The following CPM variants were observed in gnomAD, a reference collection of about 807,000 sequenced individuals.
CPM encodes the protein carboxypeptidase M.
In CPM, 35 loss-of-function variants were observed where a neutral mutation model predicts 46.4. The observed-to-expected ratio is 0.75, with a 90% CI of 0.58 to 1.00. The LOEUF is 1.00. CPM is among the 50% of genes least tolerant of loss of function. The pLI is 0.00. For synonymous variants in CPM, 195 were observed against 195.3 expected (o/e 1.00, Z 0.01); for missense variants, 422 against 530.4 (o/e 0.80, Z 2.01).
intron 6 of CPM, 145 bp from the exon 7 acceptor site, chr12:68,867,193 T>A: frequency 1.3e-6 from 1 of 783,712 alleles, no homozygotes. Flanking sequence ...AATCAGGGCT[T>A]GACATTCTAT....
intron 8 of CPM, among the ~76,000 whole-genome samples, chr12:68,857,158 CTTTT>C (rs1885013332): frequency 1.4e-5 from 2 of 146,636 alleles, no homozygotes; most frequent in African/African-American, 5.0e-5. Context: ...TCTTTCTTTT[CTTTT>C]TTCTTTTTTT....
rs1421369561 is a variant in CPM, at chr12:68,867,020, C to T, written c.816G>A (p.Trp272Ter). The change falls in exon 7 of 9, where the codon TGG becomes TGA. Residue 272 changes from tryptophan to a stop codon, truncating the protein, a stop_gained. Coordinates refer to ENST00000551568, the MANE Select transcript of CPM (RefSeq NM_198320.5). LOFTEE classifies it high-confidence loss of function. ...CCAACGTAATTTCAAAACACTGGGC[C>T]CAGATGTAGTTGTAATCTTGCATTC... The part of the protein sequence containing the change: ...QGGMQDYNYI[W>*]AQCFEITLEL... The T allele has an allele frequency of 1.9e-6, 3 of 1,614,034 alleles. No homozygotes were observed. Among genetic ancestry groups the T allele is most frequent in the Middle Eastern group, 1.6e-4 (1 of 6,062 alleles).
intron 2 of CPM, among the ~76,000 whole-genome samples, chr12:68,916,906 A>AAGAG (rs1248317169): frequency 4.9e-5 from 7 of 142,684 alleles, no homozygotes; most frequent in Non-Finnish European, 1.0e-4. Flanking sequence ...AAAAAAAAAA[A>AAGAG]AGAGAGAGAG....
downstream of CPM, chr12:68,850,817 C>A (rs1209888898): frequency 6.6e-6 from 1 of 152,104 alleles, no homozygotes; most frequent in Non-Finnish European, 1.5e-5. Context: ...AAATCCATTT[C>A]TTTTCTGCAT....
At chr12:68,926,304 T>C in intron 2 of CPM, among the ~76,000 whole-genome samples, 1 of 152,198 alleles carries the variant, frequency 6.6e-6, no homozygotes, top group East Asian at 1.9e-4. Context: ...ACATTATTAG[T>C]GAAATATTTT....
chr12:68,931,183 G>A (rs761215240), intron 2 of CPM, among the ~76,000 whole-genome samples: 6 of 152,004 alleles, frequency 3.9e-5, no homozygotes, highest in Non-Finnish European at 7.4e-5. Context: ...TATTGACTTC[G>A]CATTGCACAT....
At chr12:68,945,486 C>T (rs1310145521) in intron 1 of CPM, among the ~76,000 whole-genome samples, 2 of 152,208 alleles carry the variant, frequency 1.3e-5, no homozygotes, top group Non-Finnish European at 2.9e-5. Flanking sequence ...CTGACAACTG[C>T]TCTTCCTGTT....
At chr12:68,888,285 T>C (rs1886518906) in intron 2 of CPM, among the ~76,000 whole-genome samples, 1 of 152,188 alleles carries the variant, frequency 6.6e-6, no homozygotes, top group Non-Finnish European at 1.5e-5. Flanking sequence ...TCCAATATTA[T>C]TTAAAGAAGG....
chr12:68,924,480 GA>G (rs11420676), intron 2 of CPM, among the ~76,000 whole-genome samples: 10 of 145,602 alleles, frequency 6.9e-5, no homozygotes, highest in Non-Finnish European at 9.0e-5. Flanking sequence ...ACTCCATATA[GA>G]AAAAAAAAAA....
intron 2 of CPM, among the ~76,000 whole-genome samples, chr12:68,906,360 T>G (rs1041727340): frequency 3.3e-5 from 5 of 152,194 alleles, no homozygotes; most frequent in African/African-American, 1.2e-4. Flanking sequence ...CTGACTCTAA[T>G]TCACGCCATT....
chr12:68,890,850 C>A (rs1333692829), intron 2 of CPM, among the ~76,000 whole-genome samples: 1 of 152,214 alleles, frequency 6.6e-6, no homozygotes, highest in South Asian at 2.1e-4. Context: ...GAAGCAGAGA[C>A]CTTGGGTGGC....
At chr12:68,908,430 CT>C (rs1340897549) in intron 2 of CPM, among the ~76,000 whole-genome samples, 59 of 144,158 alleles carry the variant, frequency 4.1e-4, no homozygotes, top group Non-Finnish European at 8.1e-4. Flanking sequence ...TTTCTCTTTT[CT>C]CTGGAGGTAT....
At chr12:68,880,990 A>G (rs1886164178) in intron 3 of CPM, among the ~76,000 whole-genome samples, 1 of 152,206 alleles carries the variant, frequency 6.6e-6, no homozygotes, top group African/African-American at 2.4e-5. Context: ...AGAATAAGAG[A>G]ATACGTGAAA....
At chr12:68,950,718 C>A (rs1258341857) in intron 1 of CPM, among the ~76,000 whole-genome samples, 1 of 152,180 alleles carries the variant, frequency 6.6e-6, no homozygotes, top group Non-Finnish European at 1.5e-5. Flanking sequence ...CTTCCGCGAC[C>A]CCCAGGCCAG....
chr12:68,849,399 T>TTGTTG (rs796284652), downstream of CPM: 1 of 129,090 alleles, frequency 7.7e-6, no homozygotes, highest in African/African-American at 2.6e-5. Flanking sequence ...CGTTTTTTTT[T>TTGTTG]TTGTTGTTGT....
In CPM at chr12:68,938,565, T is replaced by C. The variant is rs555643863; in HGVS notation, c.-3-5725A>G. On this transcript the variant is annotated intron_variant, in intron 1 of 8. Coordinates refer to the CPM transcript ENST00000546373. Reference sequence around the variant, plus strand: ...ACCTTTGAGCATGTCCTTACCTCCTTAGGATCATTTCTTAGACATGTAATT... The same window carrying C: ...ACCTTTGAGCATGTCCTTACCTCCTCAGGATCATTTCTTAGACATGTAATT... 2.6e-5 allele frequency among the ~76,000 whole-genome samples: 4 copies of C among 152,278 alleles called. No individual in the cohort carries two copies. The East Asian group carries it at 5.8e-4, about 22-fold the overall frequency.
intron 5 of CPM, chr12:68,845,487 C>G (rs1884218348): frequency 9.8e-6 from 2 of 203,196 alleles, no homozygotes; most frequent in Non-Finnish European, 1.0e-5. Context: ...GATTGCTGTA[C>G]TCAAATATTT....
At chr12:68,942,971 C>A (rs1313888192) in intron 1 of CPM, among the ~76,000 whole-genome samples, 4 of 152,032 alleles carry the variant, frequency 2.6e-5, no homozygotes, top group African/African-American at 9.7e-5. Context: ...AGGAAGACAC[C>A]CCAAATAGAG....
At chr12:68,875,844 T>A (rs1885930344) in intron 3 of CPM, among the ~76,000 whole-genome samples, 1 of 152,076 alleles carries the variant, frequency 6.6e-6, no homozygotes, top group Admixed American at 6.6e-5. Flanking sequence ...ATAATCAATT[T>A]CTTATTTTGA....
Sources: gnomAD v4.1 joint callset for allele counts (sites outside exome capture counted in the v4.1 genomes callset) on GRCh38, gnomAD v4.1.1 for gene constraint, MANE v1.5 for transcripts, NCBI Gene and HGNC (gene_info 2026-07-23, HGNC 2026-07-21) for gene names.